Variants in APP observed in about 807,000 individuals in gnomAD.
The protein encoded by APP is amyloid beta precursor protein, also known as amyloid-beta precursor protein.
APP carries 31 observed loss-of-function variants against 101.4 expected under a neutral mutation model. That is an observed-to-expected ratio of 0.31 (90% CI 0.23 to 0.41). The LOEUF (loss-of-function observed/expected upper bound fraction) is 0.41, where lower values mean the gene tolerates loss of function less well. APP is among the 10% of genes least tolerant of loss of function. APP has a pLI of 1.00. For missense variants in APP, 839 were observed against 1,003.7 expected, an observed-to-expected ratio of 0.84 and a Z score of 2.22; for synonymous variants, 366 against 364.4, an observed-to-expected ratio of 1.00 and a Z score of -0.05.
chr21:25,936,125 G>A (rs1357820713), intron 13 of APP, among the ~76,000 whole-genome samples: 1 of 152,186 alleles, frequency 6.6e-6, no homozygotes, highest in African/African-American at 2.4e-5. Flanking sequence ...GGATCGAACT[G>A]TGTGCCCCTG....
At chr21:26,018,355 A>C (rs373507859) in intron 6 of APP, among the ~76,000 whole-genome samples, 20 of 152,238 alleles carry the variant, frequency 1.3e-4, no homozygotes, top group African/African-American at 4.8e-4. Flanking sequence ...TTTGCAAGTC[A>C]CTTCTAATTT....
chr21:26,004,736 T>C (rs562772482), intron 6 of APP, among the ~76,000 whole-genome samples: 1 of 152,330 alleles, frequency 6.6e-6, no homozygotes, highest in African/African-American at 2.4e-5. Flanking sequence ...ATGTGCCATG[T>C]TGTTTGCTGC....
intron 11 of APP, among the ~76,000 whole-genome samples, 157 bp from the exon 12 acceptor site, chr21:25,955,912 C>T (rs2041299167): frequency 6.6e-6 from 1 of 152,160 alleles, no homozygotes; most frequent in Non-Finnish European, 1.5e-5. Flanking sequence ...TCTCCTACTC[C>T]TTTCTTAATG....
At position 25,900,987 on chromosome 21, in the gene APP, C is replaced by CAAA. The variant is rs71183520; in HGVS notation, c.1964-3317_1964-3315dup. ...TGGGCGACAGAGTGAGACTCCATCTCAAAAAAAAAAAAAAAAAGAATGAGC... is the reference window on the plus strand; with the variant it reads ...TGGGCGACAGAGTGAGACTCCATCTCAAAAAAAAAAAAAAAAAAAAGAATGAGC... On this transcript the variant is annotated intron_variant, in intron 15 of 17. Transcript: ENST00000346798. Among the ~76,000 whole-genome samples, 27 of 118,578 alleles carry CAAA rather than the reference C, an allele frequency of 2.3e-4. 1 individual carries two copies. Among genetic ancestry groups the CAAA allele is most frequent in the African/African-American group, 1.2e-3 (26 of 21,288 alleles). 77.8% of individuals were successfully genotyped at this position (118,578 alleles called of 152,430 possible). A position where few individuals can be genotyped will look rare whatever the true frequency, so the allele number is the denominator to read the frequency against.
intron 3 of APP, among the ~76,000 whole-genome samples, chr21:26,087,879 T>C (rs2061734118): frequency 6.6e-6 from 1 of 152,262 alleles, no homozygotes; most frequent in Non-Finnish European, 1.5e-5. Context: ...TACAAATATT[T>C]GGACAGTCTC....
rs1319940950 is a variant in APP, at chr21:26,133,301, T to C, written c.58-21155A>G. On this transcript the variant is annotated intron_variant, in intron 1 of 17. Coordinates refer to ENST00000346798, the MANE Select transcript of APP (RefSeq NM_000484.4). Reference sequence around the variant, plus strand: ...ATCGGCAGCCTACGTAAGGAACCTATTAATACTGCATATGCAATTTTTATT... The same window carrying C: ...ATCGGCAGCCTACGTAAGGAACCTACTAATACTGCATATGCAATTTTTATT... Among the ~76,000 whole-genome samples the C allele has an allele frequency of 2.6e-5, 4 of 152,348 alleles. No homozygotes were observed. In the East Asian group the frequency reaches 5.8e-4, roughly 22 times the overall value.
intron 13 of APP, among the ~76,000 whole-genome samples, chr21:25,916,609 T>C (rs142580818): frequency 6.6e-6 from 1 of 152,358 alleles, no homozygotes; most frequent in African/African-American, 2.4e-5. Flanking sequence ...ATTATCCTTT[T>C]ATCTGAATTA....
At position 25,928,767 on chromosome 21, in the gene APP, T is replaced by TTTA. The variant is rs397716212; in HGVS notation, c.1688-16806_1688-16805insTAA. On this transcript the variant is annotated intron_variant, in intron 13 of 17. Transcript: ENST00000346798. ...AATTTTGATGCCTTTTTTTTTTTTTTAACTGGAGACAGAGTCTTGCTCTGT... is the reference window on the plus strand; with the variant it reads ...AATTTTGATGCCTTTTTTTTTTTTTTTTAAACTGGAGACAGAGTCTTGCTCTGT... The TTTA allele has an allele frequency of 2.6e-5, 4 of 151,614 alleles. No homozygotes were observed. The East Asian group carries it at 7.7e-4, about 29-fold the overall frequency. 9.4% of individuals were successfully genotyped at this position (151,614 alleles called of 1,614,324 possible).
chr21:25,925,290 G>A (rs531045024), intron 13 of APP, among the ~76,000 whole-genome samples: 1 of 152,342 alleles, frequency 6.6e-6, no homozygotes, highest in East Asian at 1.9e-4. Context: ...CAACTGCTAT[G>A]CTGTTTATTA....
intron 2 of APP, among the ~76,000 whole-genome samples, chr21:26,108,951 C>G (rs1034335039): frequency 1.3e-5 from 2 of 152,168 alleles, no homozygotes; most frequent in Non-Finnish European, 1.5e-5. Flanking sequence ...CTTCCTGTTG[C>G]TACAAAATAA....
At chr21:26,045,122 A>G (rs777012047) in intron 5 of APP, among the ~76,000 whole-genome samples, 1 of 152,234 alleles carries the variant, frequency 6.6e-6, no homozygotes, top group Non-Finnish European at 1.5e-5. Flanking sequence ...GGAAAAAAAG[A>G]CTGGCTTGAT....
chr21:26,022,131 A>T, intron 5 of APP, 89 bp from the exon 6 acceptor site: 2 of 1,475,704 alleles, frequency 1.4e-6, no homozygotes, highest in Non-Finnish European at 1.9e-6. Flanking sequence ...AATTTTGGCA[A>T]TTTGAGAAGA....
chr21:25,969,323 G>A (rs1407617245), intron 11 of APP, among the ~76,000 whole-genome samples: 1 of 139,298 alleles, frequency 7.2e-6, no homozygotes, highest in Non-Finnish European at 1.5e-5. Context: ...ACTCCAGCCT[G>A]GGCGACAAAG....
At chr21:25,944,200 G>A (rs535641265) in intron 13 of APP, among the ~76,000 whole-genome samples, 5 of 152,218 alleles carry the variant, frequency 3.3e-5, no homozygotes, top group South Asian at 4.1e-4. Context: ...TTTTTTAAAC[G>A]CACTATCTGA....
At chr21:26,154,100 G>T (rs1402959288) in intron 1 of APP, among the ~76,000 whole-genome samples, 2 of 152,162 alleles carry the variant, frequency 1.3e-5, no homozygotes, top group East Asian at 3.8e-4. Context: ...TGCCAGGAAT[G>T]CAATAGGCTT....
At chr21:26,170,539 C>A in intron 1 of APP, 25 bp downstream of exon 1, 2 of 1,536,800 alleles carry the variant, frequency 1.3e-6, no homozygotes, top group South Asian at 1.2e-5. Context: ...CAGCCTCCCC[C>A]CGCCTTCCGA....
At chr21:25,997,304 G>C (rs1179628768) in intron 8 of APP, 56 bp downstream of exon 8, 2 of 1,518,710 alleles carry the variant, frequency 1.3e-6, no homozygotes, top group Non-Finnish European at 1.8e-6. Context: ...GGAGTTATGT[G>C]AACCAAGCAG....
intron 6 of APP, among the ~76,000 whole-genome samples, chr21:26,017,999 C>T (rs1262681815): frequency 6.6e-6 from 1 of 152,142 alleles, no homozygotes; most frequent in Non-Finnish European, 1.5e-5. Context: ...GGCTGGAGTG[C>T]AGCGGATGTG....
intron 13 of APP, among the ~76,000 whole-genome samples, chr21:25,946,723 C>T (rs2040839648): frequency 6.6e-6 from 1 of 151,420 alleles, no homozygotes; most frequent in Admixed American, 6.6e-5. Context: ...GGTAAACAAC[C>T]CAATTAAAAA....
Sources: allele counts gnomAD v4.1 joint callset (sites outside exome capture counted in the v4.1 genomes callset), GRCh38; gene constraint gnomAD v4.1.1; transcripts MANE v1.5; gene names NCBI Gene and HGNC (gene_info 2026-07-23, HGNC 2026-07-21).